Variants in YAF2 observed in about 807,000 individuals in gnomAD.
YAF2 encodes the protein YY1 associated factor 2, also known as YY1-associated factor 2.
YAF2 carries 7 observed loss-of-function variants against 20.1 expected under a neutral mutation model. That is an observed-to-expected ratio of 0.35 (90% CI 0.20 to 0.65). YAF2 has a LOEUF of 0.65. Among genes scored for constraint, YAF2 ranks in the 30% least tolerant of loss-of-function variants. The pLI is 0.69. For missense variants in YAF2, 151 were observed against 219.2 expected (o/e 0.69, Z 1.96); for synonymous variants, 74 against 76.0 (o/e 0.97, Z 0.14).
At chr12:42,173,082 G>A (rs144318564) in intron 2 of YAF2, among the ~76,000 whole-genome samples, 1 of 151,928 alleles carries the variant, frequency 6.6e-6, no homozygotes, top group Non-Finnish European at 1.5e-5. Flanking sequence ...GAAAGAGAGA[G>A]TCTGGAGTAA....
At chr12:42,164,228 T>TA (rs937675859) in intron 2 of YAF2, among the ~76,000 whole-genome samples, 10 of 152,212 alleles carry the variant, frequency 6.6e-5, no homozygotes, top group African/African-American at 2.4e-4. Flanking sequence ...TGGGGATCCC[T>TA]ATGTATCTTT....
In YAF2 at chr12:42,157,779, CATATATAT is replaced by C; in HGVS notation, c.*2802_*2809del. Reference sequence around the variant, plus strand: ...AAATTATATTCACTTTTTAAATATACATATATATATATATGTATATTCAAATTTTTTCA... The same window carrying C: ...AAATTATATTCACTTTTTAAATATACATATATGTATATTCAAATTTTTTCA... On this transcript the variant is annotated 3_prime_UTR_variant, in exon 4 of 4. Transcript: ENST00000534854. 1 of 149,962 alleles carries C rather than the reference CATATATAT, an allele frequency of 6.7e-6. No individual in the cohort carries two copies. The allele number at this position is 149,962 out of a possible 1,614,324, so 9.3% of individuals were successfully genotyped here.
intron 2 of YAF2, among the ~76,000 whole-genome samples, chr12:42,186,390 A>T (rs1324200852): frequency 6.6e-6 from 1 of 151,900 alleles, no homozygotes; most frequent in Non-Finnish European, 1.5e-5. Flanking sequence ...ATAAATAAAA[A>T]TCAAATATGG....
chr12:42,161,852 A>C, intron 2 of YAF2, 87 bp from the exon 3 acceptor site: 1 of 1,220,488 alleles, frequency 8.2e-7, no homozygotes, highest in Non-Finnish European at 1.1e-6. Context: ...TTATGAAAAC[A>C]AGTTAATAAC....
At chr12:42,194,844 T>A (rs984212476) in intron 2 of YAF2, among the ~76,000 whole-genome samples, 1 of 152,176 alleles carries the variant, frequency 6.6e-6, no homozygotes, top group Non-Finnish European at 1.5e-5. Context: ...CAATTTTGCA[T>A]AAGTTTGAGA....
chr12:42,165,274 TC>T (rs2065887086), intron 2 of YAF2, among the ~76,000 whole-genome samples: 1 of 152,064 alleles, frequency 6.6e-6, no homozygotes, highest in Non-Finnish European at 1.5e-5. Context: ...ATAACTTCTG[TC>T]CATGTTTAAA....
intron 2 of YAF2, chr12:42,232,762 T>C (rs571646567): frequency 3.0e-6 from 3 of 985,248 alleles, no homozygotes; most frequent in South Asian, 4.7e-5. Context: ...TACCAGATGA[T>C]AGTTGGTTTA....
At position 42,159,359 on chromosome 12, in the gene YAF2, T is replaced by C. The variant is rs1208600332; in HGVS notation, c.*1230A>G. 1 of 152,092 alleles carries C rather than the reference T, an allele frequency of 6.6e-6. No individual in the cohort carries two copies. The allele number at this position is 152,092 out of a possible 1,614,324, so 9.4% of individuals were successfully genotyped here. On this transcript the variant is annotated 3_prime_UTR_variant, in exon 4 of 4. Transcript: ENST00000534854. Reference sequence around the variant, plus strand: ...GAGAAAGCAGGAGACCCCAGGAGAATTTAAGTACTGTGTGGTTTCTAGGTT... The same window carrying C: ...GAGAAAGCAGGAGACCCCAGGAGAACTTAAGTACTGTGTGGTTTCTAGGTT...
intron 2 of YAF2, among the ~76,000 whole-genome samples, chr12:42,179,625 C>T (rs2066288668): frequency 4.6e-5 from 7 of 151,594 alleles, no homozygotes; most frequent in Admixed American, 4.6e-4. Context: ...CCCATCTCTA[C>T]AAAAAATATA....
chr12:42,194,843 A>T (rs927645685), intron 2 of YAF2, among the ~76,000 whole-genome samples: 1 of 152,224 alleles, frequency 6.6e-6, no homozygotes, highest in Non-Finnish European at 1.5e-5. Context: ...TCAATTTTGC[A>T]TAAGTTTGAG....
chr12:42,191,950 C>T (rs371439623), intron 2 of YAF2, among the ~76,000 whole-genome samples: 3 of 151,498 alleles, frequency 2.0e-5, no homozygotes, highest in East Asian at 3.9e-4. Flanking sequence ...ATTAGCCAGA[C>T]GTGCTCACTT....
At chr12:42,183,303 A>G (rs989867078) in intron 2 of YAF2, among the ~76,000 whole-genome samples, 8 of 152,226 alleles carry the variant, frequency 5.3e-5, no homozygotes, top group Non-Finnish European at 1.0e-4. Context: ...GGTGCGAGGA[A>G]GAGGCATACA....
intron 2 of YAF2, among the ~76,000 whole-genome samples, chr12:42,217,968 TA>T (rs1353204627): frequency 6.6e-5 from 10 of 152,202 alleles, no homozygotes; most frequent in Middle Eastern, 3.4e-3. Context: ...CACAGTGGCC[TA>T]AAAAAGACCA....
chr12:42,199,770 A>G (rs1256771761), intron 2 of YAF2, among the ~76,000 whole-genome samples: 2 of 152,200 alleles, frequency 1.3e-5, no homozygotes. Context: ...GTACTATTCT[A>G]ATATTAAAAG....
At chr12:42,175,293 C>A (rs929292955) in intron 2 of YAF2, among the ~76,000 whole-genome samples, 1 of 152,052 alleles carries the variant, frequency 6.6e-6, no homozygotes. Flanking sequence ...ACATAAATTT[C>A]TAGAAAATGC....
intron 1 of YAF2, 26 bp from the exon 2 acceptor site, chr12:42,237,750 G>A (rs992009195): frequency 4.0e-6 from 6 of 1,491,476 alleles, no homozygotes; most frequent in Admixed American, 2.2e-5. Context: ...CGGACACGAC[G>A]CGGCGCGGGG....
At chr12:42,186,371 TAAAC>T (rs1441783375) in intron 2 of YAF2, among the ~76,000 whole-genome samples, 3 of 151,392 alleles carry the variant, frequency 2.0e-5, no homozygotes, top group Non-Finnish European at 2.9e-5. Flanking sequence ...AATAAATAAA[TAAAC>T]AAAAATAAAT....
chr12:42,224,058 T>TA (rs1450215161), intron 2 of YAF2, among the ~76,000 whole-genome samples: 8 of 152,092 alleles, frequency 5.3e-5, no homozygotes, highest in East Asian at 1.9e-4. Context: ...AATAAATAAA[T>TA]AATAATGGCC....
At chr12:42,179,805 A>AG (rs1166287734) in intron 2 of YAF2, among the ~76,000 whole-genome samples, 2 of 151,726 alleles carry the variant, frequency 1.3e-5, no homozygotes, top group Admixed American at 1.3e-4. Flanking sequence ...AAAAAAAAAA[A>AG]AAAAGAAATC....
Sources: allele counts gnomAD v4.1 joint callset (sites outside exome capture counted in the v4.1 genomes callset), GRCh38; gene constraint gnomAD v4.1.1; transcripts MANE v1.5; gene names NCBI Gene and HGNC (gene_info 2026-07-23, HGNC 2026-07-21).